Variants in ZNF114 observed in about 807,000 individuals in gnomAD.
ZNF114 encodes the protein zinc finger protein 114 (Y18).
ZNF114 carries 8 observed loss-of-function variants against 6.8 expected under a neutral mutation model. That is an observed-to-expected ratio of 1.18 (90% CI 0.69 to 2.13). The LOEUF is 2.13. ZNF114 is among the 30% of genes most tolerant of loss of function. The probability of loss-of-function intolerance (pLI) is 0.00; values close to 1 mark genes in which losing one functional copy is unlikely to be tolerated. For missense variants in ZNF114, 472 were observed against 519.5 expected (o/e 0.91, Z 0.89); for synonymous variants, 169 against 185.5 (o/e 0.91, Z 0.72).
intron 3 of ZNF114, among the ~76,000 whole-genome samples, chr19:48,279,037 C>T (rs1476731489): frequency 6.6e-6 from 1 of 151,760 alleles, no homozygotes; most frequent in East Asian, 1.9e-4. Context: ...TTTTATTTTG[C>T]GGTGATGAAA....
Position 48,286,440 on chromosome 19 carries a change from A to G in ZNF114, c.816A>G (p.Ala272=). The change falls in exon 6 of 6, where the codon GCA becomes GCG. Residue 272 remains alanine (A), a synonymous_variant. Transcript: ENST00000595607. The stretch of plus-strand genomic sequence containing the variant: ...CCATGCAGATGCAGTTGTATACCGC[A>G]GAGACAAACAAGAAGGATTGTCAAA... ...IHAMQMQLYT[A]ETNKKDCQTG... The G allele has an allele frequency of 6.2e-7, 1 of 1,614,256 alleles. No homozygotes were observed. The highest frequency in any genetic ancestry group is 1.1e-5 in the South Asian group (1 of 91,090).
At chr19:48,270,992 G>C (rs1356548515) in intron 1 of ZNF114, 2 of 151,390 alleles carry the variant, frequency 1.3e-5, no homozygotes, top group Non-Finnish European at 2.9e-5. Context: ...GGAGGCGGAG[G>C]TTGCAGTGAA....
chr19:48,282,520 C>T (rs1330084558), intron 5 of ZNF114, 23 bp downstream of exon 5: 2 of 1,600,974 alleles, frequency 1.2e-6, no homozygotes, highest in Non-Finnish European at 1.7e-6. Flanking sequence ...CCTTCCTGCA[C>T]TTAGTCCGTG....
At chr19:48,282,325 T>G in intron 4 of ZNF114, 46 bp from the exon 5 acceptor site, 1 of 1,608,372 alleles carries the variant, frequency 6.2e-7, no homozygotes, top group Non-Finnish European at 8.5e-7. Context: ...CAGTTCAAAC[T>G]GATAACAGGA....
At chr19:48,275,855 G>A (rs893399447) in intron 3 of ZNF114, among the ~76,000 whole-genome samples, 8 of 151,216 alleles carry the variant, frequency 5.3e-5, no homozygotes, top group East Asian at 2.0e-4. Context: ...AGTGGCGGGC[G>A]CCTGTAGTCC....
chr19:48,282,241 C>T, intron 4 of ZNF114, 130 bp from the exon 5 acceptor site: 2 of 1,307,790 alleles, frequency 1.5e-6, no homozygotes, highest in Non-Finnish European at 2.1e-6. Context: ...GACTCTAGTT[C>T]ACAAATCAGG....
In ZNF114 at chr19:48,282,494, A is replaced by G; in HGVS notation, c.133A>G (p.Ile45Val). The change falls in exon 5 of 6, where the codon ATA (isoleucine) becomes GTA (valine). Residue 45 changes from isoleucine (I) to valine (V), a missense_variant. Physicochemically the swap from Ile to Val is conservative, Grantham distance 29 (BLOSUM62 3). Coordinates refer to ENST00000595607, the MANE Select transcript of ZNF114 (RefSeq NM_153608.4). ...GGAAAATTCTAGGAACTTGGCATTC[A>G]TAGGTAAGGAGGCCCCCTTCCTGCA... ...MLENSRNLAFIDWATPCKTKD... is the reference protein window; with the variant it reads ...MLENSRNLAFVDWATPCKTKD... The G allele has an allele frequency of 6.2e-7, 1 of 1,609,158 alleles. No individual in the cohort carries two copies. The highest frequency in any genetic ancestry group is 8.5e-7 in the Non-Finnish European group (1 of 1,176,336).
chr19:48,276,116 G>C (rs990438238), intron 3 of ZNF114, among the ~76,000 whole-genome samples: 1 of 95,536 alleles, frequency 1.0e-5, no homozygotes, highest in Non-Finnish European at 1.9e-5. Context: ...TTTCGCTCTT[G>C]TTGCCCAGGC....
At chr19:48,277,835 T>TGTGTGTGTGTGTG (rs1967886817) in intron 3 of ZNF114, among the ~76,000 whole-genome samples, 1 of 15,052 alleles carries the variant, frequency 6.6e-5, no homozygotes, top group Non-Finnish European at 2.1e-4. Context: ...GTGTGTGTGT[T>TGTGTGTGTGTGTG]CGTGACGATA....
rs1568995614 is a variant in ZNF114 at position 48,286,120 on chromosome 19, G to A, written c.496G>A (p.Asp166Asn). The change falls in exon 6 of 6, where the codon GAT (aspartate) becomes AAT (asparagine). Residue 166 changes from aspartate (D) to asparagine (N), a missense_variant. Physicochemically the swap from Asp to Asn is conservative, Grantham distance 23. Coordinates refer to ENST00000595607, the MANE Select transcript of ZNF114 (RefSeq NM_153608.4). Reference protein sequence around the residue: ...SIFKYNPVLNDSQKTHENNED... With the variant: ...SIFKYNPVLNNSQKTHENNED... Reference sequence around the variant, plus strand: ...TTTCAAGTATAATCCTGTCTTAAACGATAGTCAAAAAACACATGAAAACAA... The same window carrying A: ...TTTCAAGTATAATCCTGTCTTAAACAATAGTCAAAAAACACATGAAAACAA... 1.9e-6 allele frequency: 3 copies of A among 1,614,118 alleles called. No individual in the cohort carries two copies. Among genetic ancestry groups the A allele is most frequent in the Non-Finnish European group, 1.7e-6 (2 of 1,180,040 alleles).
At position 48,286,730 on chromosome 19, in the gene ZNF114, T is replaced by C; in HGVS notation, c.1106T>C (p.Val369Ala). ...KPYECEECGK[V>A]IRESSKYTHI... is the part of the protein sequence containing the mutation. ...TACGAATGTGAAGAATGTGGGAAAG[T>C]CATTCGGGAGTCCTCAAAATATACA... The change falls in exon 6 of 6, where the codon GTC becomes GCC. Residue 369 changes from valine (V) to alanine (A), a missense_variant. Val to Ala is a moderately conservative substitution (Grantham distance 64, BLOSUM62 0). Coordinates refer to ENST00000595607, the MANE Select transcript of ZNF114 (RefSeq NM_153608.4). The C allele has an allele frequency of 6.2e-7, 1 of 1,613,824 alleles. No individual in the cohort carries two copies. The highest frequency in any genetic ancestry group is 8.5e-7 in the Non-Finnish European group (1 of 1,179,980).
At chr19:48,276,409 C>T (rs993166901) in intron 3 of ZNF114, among the ~76,000 whole-genome samples, 1 of 152,066 alleles carries the variant, frequency 6.6e-6, no homozygotes, top group African/African-American at 2.4e-5. Context: ...CATTCCTTTA[C>T]GCCCAGCAAG....
At chr19:48,272,419 A>T (rs532731115) in intron 3 of ZNF114, among the ~76,000 whole-genome samples, 140 of 144,964 alleles carry the variant, frequency 9.7e-4, no homozygotes, top group African/African-American at 1.7e-3. Context: ...CTCAAAAAAA[A>T]AAATAAATAA....
chr19:48,274,506 A>AT (rs869126962), intron 3 of ZNF114, among the ~76,000 whole-genome samples: 87 of 17,170 alleles, frequency 5.1e-3, no homozygotes, highest in East Asian at 0.011. Flanking sequence ...ATATATATAT[A>AT]TTTTTTTTTT....
In ZNF114 at chr19:48,271,797, A is replaced by G. The variant is rs1290946555; in HGVS notation, c.-101A>G. The G allele has an allele frequency of 6.6e-6, 1 of 152,388 alleles. No homozygotes were observed. Among genetic ancestry groups the G allele is most frequent in the Non-Finnish European group, 1.5e-5 (1 of 68,202 alleles). The allele number at this position is 152,388 out of a possible 1,614,324, so 9.4% of individuals were successfully genotyped here. On this transcript the variant is annotated 5_prime_UTR_variant, in exon 3 of 6. Coordinates refer to ENST00000595607, the MANE Select transcript of ZNF114 (RefSeq NM_153608.4). ...CGCGCTTTTGGGCTGCGCCACCGAC[A>G]GAGACATCTGGAAGCCGGAGCTAGT...
chr19:48,277,583 G>A (rs1304983936), intron 3 of ZNF114, among the ~76,000 whole-genome samples: 3 of 152,046 alleles, frequency 2.0e-5, no homozygotes, highest in East Asian at 1.9e-4. Flanking sequence ...GATTCACTTT[G>A]TAGTTCAAAT....
In ZNF114 at chr19:48,286,886, GT is replaced by G. The variant is rs1968147705; in HGVS notation, c.*9del. On this transcript the variant is annotated 3_prime_UTR_variant, in exon 6 of 6. Transcript: ENST00000595607. ...GAGAAGCCCTGTGAATGAAAGGAAG[GT>G]GGAAAATTTTTCATTAATTTTCTGA... The G allele has an allele frequency of 4.5e-6, 7 of 1,543,126 alleles. No individual in the cohort carries two copies. The highest frequency in any genetic ancestry group is 3.5e-4 in the Middle Eastern group (2 of 5,710).
At chr19:48,285,658 AAGAAAGAAAG>A (rs923802284) in intron 5 of ZNF114, 93 bp from the exon 6 acceptor site, 28 of 1,303,134 alleles carry the variant, frequency 2.1e-5, no homozygotes, top group East Asian at 1.5e-4. Context: ...GAAAGAAAGA[AAGAAAGAAAG>A]AGAGAAATCC....
At chr19:48,282,820 C>A (rs1406920199) in intron 5 of ZNF114, among the ~76,000 whole-genome samples, 1 of 151,852 alleles carries the variant, frequency 6.6e-6, no homozygotes, top group Non-Finnish European at 1.5e-5. Context: ...TCATGCAATT[C>A]TTCTGCCTTA....
Sources: gnomAD v4.1 joint callset for allele counts (sites outside exome capture counted in the v4.1 genomes callset) on GRCh38, gnomAD v4.1.1 for gene constraint, MANE v1.5 for transcripts, NCBI Gene and HGNC (gene_info 2026-07-23, HGNC 2026-07-21) for gene names.